The following SEM1 variants were observed in gnomAD, a reference collection of about 807,000 sequenced individuals.
SEM1 encodes the protein SEM1 26S proteasome subunit.
A neutral mutation model predicts 12.7 loss-of-function variants in SEM1; 3 were observed. That is an observed-to-expected ratio of 0.24 (90% CI 0.11 to 0.61). The LOEUF is 0.61. Ranked by LOEUF, SEM1 falls within the 20% of genes least tolerant of loss-of-function variation. The probability of loss-of-function intolerance (pLI) is 0.88; values close to 1 mark genes in which losing one functional copy is unlikely to be tolerated. For synonymous variants in SEM1, 30 were observed against 27.8 expected (o/e 1.08, Z -0.25); for missense variants, 59 against 81.3 (o/e 0.73, Z 1.06).
intron 2 of SEM1, among the ~76,000 whole-genome samples, chr7:96,581,777 G>C (rs1462851430): frequency 6.6e-6 from 1 of 151,380 alleles, no homozygotes; most frequent in African/African-American, 2.4e-5. Context: ...CTGTTTGTCT[G>C]TTGTTGGTGT....
At chr7:96,597,883 C>T (rs1048053226) in intron 2 of SEM1, among the ~76,000 whole-genome samples, 14 of 152,130 alleles carry the variant, frequency 9.2e-5, no homozygotes, top group Non-Finnish European at 1.5e-4. Flanking sequence ...TTTTGTACAT[C>T]CAAGTAAACA....
rs1806968371 is a variant in SEM1 at position 96,595,494 on chromosome 7, A to AC, written c.171-88797dup. On this transcript the variant is annotated intron_variant and NMD_transcript_variant, in intron 2 of 3. Transcript: ENST00000466986. The stretch of plus-strand genomic sequence containing the variant: ...GTCACTGCACTCCAGACAGAGTGAG[A>AC]CCCCATCTCACAAAAACACAAAACA... Among the ~76,000 whole-genome samples, 4 of 152,266 alleles carry AC rather than the reference A, an allele frequency of 2.6e-5. 1 individual carries two copies. The highest frequency in any genetic ancestry group is 1.9e-4 in the East Asian group (1 of 5,168).
intron 2 of SEM1, among the ~76,000 whole-genome samples, chr7:96,521,055 G>A (rs1212264597): frequency 6.6e-6 from 1 of 152,014 alleles, no homozygotes; most frequent in African/African-American, 2.4e-5. Context: ...AAAAGGGGAC[G>A]GACATTCCCC....
chr7:96,612,956 A>T (rs1249332297), intron 2 of SEM1, among the ~76,000 whole-genome samples: 1 of 26,002 alleles, frequency 3.8e-5, no homozygotes, highest in Non-Finnish European at 1.0e-4. Context: ...TTTTTAATTT[A>T]AAAAATTAAA....
intron 2 of SEM1, among the ~76,000 whole-genome samples, chr7:96,682,619 G>C (rs1307739099): frequency 6.6e-6 from 1 of 151,904 alleles, no homozygotes; most frequent in Non-Finnish European, 1.5e-5. Flanking sequence ...ATGAACAAAG[G>C]CTTCATGACT....
intron 2 of SEM1, among the ~76,000 whole-genome samples, chr7:96,573,252 G>A (rs1806098995): frequency 6.6e-6 from 1 of 152,014 alleles, no homozygotes; most frequent in Non-Finnish European, 1.5e-5. Flanking sequence ...TTGCCAGTCT[G>A]TGTCTTTTAA....
At chr7:96,686,038 T>C (rs1327607348), downstream of SEM1, among the ~76,000 whole-genome samples, 7 of 152,226 alleles carry the variant, frequency 4.6e-5, no homozygotes, top group South Asian at 1.4e-3. Context: ...GCTCTGTATA[T>C]GCCACCTATT....
exon 4 of SEM1, chr7:96,483,906 G>T (rs570981421): frequency 6.5e-7 from 1 of 1,536,690 alleles, no homozygotes; most frequent in Admixed American, 2.0e-5. Flanking sequence ...TCACCCGAAT[G>T]GCAGCCAGGC....
chr7:96,663,101 T>G (rs1228778391), intron 2 of SEM1, among the ~76,000 whole-genome samples: 1 of 151,710 alleles, frequency 6.6e-6, no homozygotes, highest in African/African-American at 2.4e-5. Context: ...GTGAAGTATG[T>G]CCTAGTGCAA....
chr7:96,679,849 T>C (rs779946818), intron 2 of SEM1, among the ~76,000 whole-genome samples: 2 of 152,138 alleles, frequency 1.3e-5, no homozygotes, highest in African/African-American at 4.8e-5. Flanking sequence ...ATTCACTTTA[T>C]AGCAAATATT....
intron 2 of SEM1, among the ~76,000 whole-genome samples, chr7:96,554,015 A>C (rs1220165577): frequency 4.0e-5 from 6 of 151,608 alleles, no homozygotes; most frequent in Non-Finnish European, 5.9e-5. Context: ...TTGGTGTATA[A>C]GAATGCTTGT....
At chr7:96,501,918 C>T (rs1803570511) in intron 3 of SEM1, among the ~76,000 whole-genome samples, 1 of 151,972 alleles carries the variant, frequency 6.6e-6, no homozygotes, top group Admixed American at 6.6e-5. Flanking sequence ...TGTTATAACC[C>T]ATCTTTATAT....
intron 2 of SEM1, among the ~76,000 whole-genome samples, chr7:96,524,802 T>C (rs145504192): frequency 0.018 from 2,780 of 152,230 alleles, 85 homozygotes; most frequent in African/African-American, 0.063. Context: ...TAGATTTTCA[T>C]GGGAATTATT....
chr7:96,661,714 G>A (rs1013925145), intron 2 of SEM1, among the ~76,000 whole-genome samples: 2 of 152,178 alleles, frequency 1.3e-5, no homozygotes, highest in African/African-American at 2.4e-5. Flanking sequence ...GGGGCCGGGC[G>A]TGGTGCCTCA....
At chr7:96,661,220 T>G (rs10215915) in intron 2 of SEM1, among the ~76,000 whole-genome samples, 25,938 of 152,090 alleles carry the variant, frequency 0.17, 2,240 homozygotes, top group South Asian at 0.21. Flanking sequence ...ATCACTATCC[T>G]TTGCTACTTC....
intron 2 of SEM1, among the ~76,000 whole-genome samples, chr7:96,682,742 A>G (rs1285030100): frequency 6.6e-6 from 1 of 152,058 alleles, no homozygotes; most frequent in Non-Finnish European, 1.5e-5. Flanking sequence ...GGTAACCTAC[A>G]GAATGGGAGA....
chr7:96,657,825 G>A (rs1369594093), intron 2 of SEM1, among the ~76,000 whole-genome samples: 1 of 152,178 alleles, frequency 6.6e-6, no homozygotes, highest in African/African-American at 2.4e-5. Flanking sequence ...GCCCAGGGTG[G>A]CTGCCTCCAT....
intron 2 of SEM1, among the ~76,000 whole-genome samples, chr7:96,639,159 A>G (rs887464085): frequency 6.6e-6 from 1 of 152,014 alleles, no homozygotes; most frequent in Admixed American, 6.6e-5. Context: ...AGAACTGGGA[A>G]TGATCTCCAG....
chr7:96,640,892 C>CAAA lies in SEM1; in HGVS notation c.171-18250_171-18249insTTT, dbSNP rs1808569627. On this transcript the variant is annotated intron_variant, in intron 2 of 2. Transcript: ENST00000417009. The surrounding 1 kb of genome is among the most constrained non-coding windows in gnomAD (Gnocchi z 4.0). ...CAGTTTTGCTGTTAACCTAACACTG[C>CAAA]TCTAAAAAATATGGTTTCTTTACAA... 6.6e-6 allele frequency among the ~76,000 whole-genome samples: 1 copy of CAAA among 151,838 alleles called. No individual in the cohort carries two copies. Among genetic ancestry groups the CAAA allele is most frequent in the Non-Finnish European group, 1.5e-5 (1 of 67,910 alleles).
Sources: gnomAD v4.1 joint callset for allele counts (sites outside exome capture counted in the v4.1 genomes callset) on GRCh38, gnomAD v4.1.1 for gene constraint, Gnocchi (gnomAD v3.1) non-coding constraint, MANE v1.5 for transcripts, NCBI Gene and HGNC (gene_info 2026-07-23, HGNC 2026-07-21) for gene names.